RBM38: variants seen among roughly 807,000 people sequenced by gnomAD.
The protein encoded by RBM38 is RNA-binding protein 38.
In RBM38, 11 loss-of-function variants were observed where a neutral mutation model predicts 23.5. The observed-to-expected ratio is 0.47, with a 90% CI of 0.29 to 0.77. RBM38 has a LOEUF of 0.77. Ranked by LOEUF, RBM38 falls within the 30% of genes least tolerant of loss-of-function variation. RBM38 has a pLI of 0.08. For synonymous variants in RBM38, 165 were observed against 166.1 expected (o/e 0.99, Z 0.05); for missense variants, 330 against 351.9 (o/e 0.94, Z 0.50).
chr20:57,406,789 C>T (rs1232610497), intron 3 of RBM38, among the ~76,000 whole-genome samples: 2 of 151,970 alleles, frequency 1.3e-5, no homozygotes, highest in East Asian at 1.9e-4. Context: ...GTCAGGAGAT[C>T]GGGACCATCC....
chr20:57,403,018 C>T lies in RBM38; in HGVS notation c.417-4525C>T, dbSNP rs186979723. ...ACGGCATCGTTCTTTGTTGTGGGGGCACCCTGAGCATTGTAGGAAGCGGTC... is the reference window on the plus strand; with the variant it reads ...ACGGCATCGTTCTTTGTTGTGGGGGTACCCTGAGCATTGTAGGAAGCGGTC... On this transcript the variant is annotated intron_variant, in intron 3 of 3. Coordinates refer to ENST00000356208, the MANE Select transcript of RBM38 (RefSeq NM_017495.6). Among the ~76,000 whole-genome samples the T allele has an allele frequency of 1.2e-4, 18 of 152,330 alleles. No homozygotes were observed. The East Asian group carries it at 3.5e-3, about 29-fold the overall frequency.
chr20:57,396,810 T>C lies in RBM38; in HGVS notation c.416+3477T>C, dbSNP rs1385212399. Among the ~76,000 whole-genome samples, 99 of 152,218 alleles carry C rather than the reference T, an allele frequency of 6.5e-4. 1 individual carries two copies. The highest frequency in any genetic ancestry group is 2.8e-4 in the Non-Finnish European group (19 of 68,034). On this transcript the variant is annotated intron_variant, in intron 3 of 3. Coordinates refer to ENST00000356208, the MANE Select transcript of RBM38 (RefSeq NM_017495.6). ...TGTGAGTCTCTTGGACCTTGCCTCA[T>C]GGTCACAAGATGACTGCCACGGCTC...
At chr20:57,395,755 ACGGAGCTGGAGAGCTGGGC>A (rs200970533) in intron 3 of RBM38, among the ~76,000 whole-genome samples, 5,630 of 152,190 alleles carry the variant, frequency 0.037, 305 homozygotes, top group African/African-American at 0.12. Flanking sequence ...CCGCCCGCTG[ACGGAGCTGGAGAGCTGGGC>A]CGGAGCTGGA....
rs368992454 is a variant in RBM38, at chr20:57,404,770, G to A, written c.417-2773G>A. Among the ~76,000 whole-genome samples, 24 of 152,380 alleles carry A rather than the reference G, an allele frequency of 1.6e-4. No individual in the cohort carries two copies. In the East Asian group the frequency reaches 3.7e-3, roughly 23 times the overall value. On this transcript the variant is annotated intron_variant, in intron 3 of 3. Coordinates refer to ENST00000356208, the MANE Select transcript of RBM38 (RefSeq NM_017495.6). Reference sequence around the variant, plus strand: ...CCAGTGGGGCATCGGGCAGCGTAGCGAGGTGAGGGGCTGGCCTCCATGTGG... The same window carrying A: ...CCAGTGGGGCATCGGGCAGCGTAGCAAGGTGAGGGGCTGGCCTCCATGTGG...
Position 57,392,843 on chromosome 20 carries a change from G to T in RBM38, c.361+66G>T, listed in dbSNP as rs903440347. The T allele has an allele frequency of 5.1e-6, 8 of 1,572,016 alleles. No individual in the cohort carries two copies. The Middle Eastern group carries it at 5.1e-4, about 101-fold the overall frequency. On this transcript the variant is annotated intron_variant, in intron 2 of 3. Coordinates refer to ENST00000356208, the MANE Select transcript of RBM38 (RefSeq NM_017495.6). Reference sequence around the variant, plus strand: ...TATATTGGGTGTCGGTATCTGTCGGGTGGAAAGAGGCCCCCCCTCCTCGCC... The same window carrying T: ...TATATTGGGTGTCGGTATCTGTCGGTTGGAAAGAGGCCCCCCCTCCTCGCC...
In RBM38 at chr20:57,407,315, GAGA is replaced by G. The variant is rs978521906; in HGVS notation, c.417-225_417-223del. On this transcript the variant is annotated intron_variant, in intron 3 of 3. Coordinates refer to ENST00000356208, the MANE Select transcript of RBM38 (RefSeq NM_017495.6). This position sits in a 1 kb window ranked among gnomAD's most constrained non-coding sequence, Gnocchi z 4.0. ...GGGTGCAGTCTGGGAAGGCCTTGCT[GAGA>G]AGGAGACATGGAGTGGAGGAGGGAG... is the stretch of plus-strand genomic sequence containing the variant. 2.0e-5 allele frequency among the ~76,000 whole-genome samples: 3 copies of G among 152,346 alleles called. No individual in the cohort carries two copies. Among genetic ancestry groups the G allele is most frequent in the East Asian group, 1.9e-4 (1 of 5,190 alleles).
At chr20:57,395,416 C>T (rs945768169) in intron 3 of RBM38, among the ~76,000 whole-genome samples, 10 of 152,114 alleles carry the variant, frequency 6.6e-5, no homozygotes, top group African/African-American at 9.7e-5. Flanking sequence ...CAGTTGGGAT[C>T]GGTCACAGAG....
At chr20:57,401,874 G>A (rs1455893894) in intron 3 of RBM38, among the ~76,000 whole-genome samples, 1 of 152,210 alleles carries the variant, frequency 6.6e-6, no homozygotes, top group African/African-American at 2.4e-5. Flanking sequence ...CAAGGGAGCA[G>A]TTTGGGTTTT....
intron 3 of RBM38, among the ~76,000 whole-genome samples, chr20:57,396,271 C>T (rs1049278301): frequency 6.6e-6 from 1 of 152,230 alleles, no homozygotes; most frequent in Non-Finnish European, 1.5e-5. Flanking sequence ...TTGGAGGAGC[C>T]TTCCTCGGCA....
At chr20:57,398,777 A>T (rs780173264) in intron 3 of RBM38, among the ~76,000 whole-genome samples, 17 of 152,254 alleles carry the variant, frequency 1.1e-4, no homozygotes, top group Non-Finnish European at 1.9e-4. Context: ...CAAGGGGCAC[A>T]GCTTTGTCTC....
chr20:57,397,919 C>A (rs770274732), intron 3 of RBM38, among the ~76,000 whole-genome samples: 1 of 152,218 alleles, frequency 6.6e-6, no homozygotes, highest in Non-Finnish European at 1.5e-5. Context: ...CGGAACAGTT[C>A]CGCGTCTCGA....
chr20:57,408,626 G>T lies in RBM38; in HGVS notation c.*780G>T, dbSNP rs141237739. On this transcript the variant is annotated 3_prime_UTR_variant, in exon 4 of 4. Coordinates refer to ENST00000356208, the MANE Select transcript of RBM38 (RefSeq NM_017495.6). Reference sequence around the variant, plus strand: ...AGACTTGCTTTTGTTGGTTCCGCCCGTGGAGACGACGATAGTGTTTCTGTA... The same window carrying T: ...AGACTTGCTTTTGTTGGTTCCGCCCTTGGAGACGACGATAGTGTTTCTGTA... 6.6e-6 allele frequency: 1 copy of T among 152,104 alleles called. No homozygotes were observed. Among genetic ancestry groups the T allele is most frequent in the Non-Finnish European group, 1.5e-5 (1 of 68,056 alleles). 9.4% of individuals were successfully genotyped at this position (152,104 alleles called of 1,614,324 possible). A position where few individuals can be genotyped will look rare whatever the true frequency, so the allele number is the denominator to read the frequency against.
At chr20:57,406,277 T>C (rs2067382473) in intron 3 of RBM38, among the ~76,000 whole-genome samples, 1 of 152,200 alleles carries the variant, frequency 6.6e-6, no homozygotes, top group Non-Finnish European at 1.5e-5. Flanking sequence ...GCTGCCTCCC[T>C]GAGCCTCATT....
chr20:57,404,661 C>T (rs1275975137), intron 3 of RBM38, among the ~76,000 whole-genome samples: 1 of 152,252 alleles, frequency 6.6e-6, no homozygotes, highest in African/African-American at 2.4e-5. Context: ...TCCGTCAGCA[C>T]CATGTGCCCA....
chr20:57,392,775 C>T lies in RBM38; in HGVS notation c.359C>T (p.Thr120Met). 1 of 1,612,200 alleles carries T rather than the reference C, an allele frequency of 6.2e-7. No individual in the cohort carries two copies. ...YLGAKPRSLQTGFAIGVQQLH... is the reference protein window; with the variant it reads ...YLGAKPRSLQMGFAIGVQQLH... ...GGCGCCAAGCCGCGGAGCCTCCAGACGGGTGAGAGCTTGTGTTTTCCTGCC... is the reference window on the plus strand; with the variant it reads ...GGCGCCAAGCCGCGGAGCCTCCAGATGGGTGAGAGCTTGTGTTTTCCTGCC... Residue 120 changes from threonine to methionine, a missense_variant and splice_region_variant, in exon 2 of 4, where the codon ACG (threonine) becomes ATG (methionine). Around this residue, in one of 3 missense-constraint regions of RBM38, gnomAD observed 227 missense variants for 216.4 expected, o/e 1.05. Coordinates refer to ENST00000356208, the MANE Select transcript of RBM38 (RefSeq NM_017495.6).
chr20:57,392,804 C>T (rs1489291078), intron 2 of RBM38, 27 bp downstream of exon 2: 15 of 1,608,080 alleles, frequency 9.3e-6, no homozygotes, highest in South Asian at 1.1e-5. Flanking sequence ...TCCTGCCTGG[C>T]TCTTCTCGGT....
chr20:57,400,858 G>A (rs547443652), intron 3 of RBM38, among the ~76,000 whole-genome samples: 48 of 152,278 alleles, frequency 3.2e-4, no homozygotes, highest in African/African-American at 1.1e-3. Flanking sequence ...AAGGGAAGGA[G>A]GCTCCTGCCC....
chr20:57,407,506 C>G lies in RBM38; in HGVS notation c.417-37C>G. The G allele has an allele frequency of 6.3e-7, 1 of 1,599,760 alleles. No individual in the cohort carries two copies. On this transcript the variant is annotated intron_variant, in intron 3 of 3. Transcript: ENST00000356208. The surrounding 1 kb of genome is among the most constrained non-coding windows in gnomAD (Gnocchi z 4.0). ...GTTCTCCCAGCTGTATTCCCCAACTCCGTTCTGGCCCTAACCTGCTCTGCT... is the reference window on the plus strand; with the variant it reads ...GTTCTCCCAGCTGTATTCCCCAACTGCGTTCTGGCCCTAACCTGCTCTGCT...
chr20:57,407,253 C>T lies in RBM38; in HGVS notation c.417-290C>T, dbSNP rs2067394960. 1.3e-5 allele frequency among the ~76,000 whole-genome samples: 2 copies of T among 152,108 alleles called. No homozygotes were observed. The highest frequency in any genetic ancestry group is 6.6e-5 in the Admixed American group (1 of 15,266). The stretch of plus-strand genomic sequence containing the variant: ...CCATTCAAGATTTTTATTTTTGCAC[C>T]AGCTCCGGGGATGTGGGGTGTAGGG... On this transcript the variant is annotated intron_variant, in intron 3 of 3. Transcript: ENST00000356208. This position sits in a 1 kb window ranked among gnomAD's most constrained non-coding sequence, Gnocchi z 4.0.
Sources: allele counts gnomAD v4.1 joint callset (sites outside exome capture counted in the v4.1 genomes callset), GRCh38; gene constraint gnomAD v4.1.1; regional missense constraint gnomAD v4.1.1; non-coding constraint Gnocchi (gnomAD v3.1); transcripts MANE v1.5; gene names NCBI Gene and HGNC (gene_info 2026-07-23, HGNC 2026-07-21).